ASTN1: variants seen among roughly 807,000 people sequenced by gnomAD.
ASTN1 encodes astrotactin-1.
A neutral mutation model predicts 140.7 loss-of-function variants in ASTN1; 41 were observed. The ratio of observed to expected loss-of-function variants is 0.29; its 90% confidence interval spans 0.23 to 0.38. ASTN1 has a LOEUF of 0.38. Ranked by LOEUF, ASTN1 falls within the 10% of genes least tolerant of loss-of-function variation. The pLI is 1.00. For synonymous variants in ASTN1, 640 were observed against 652.2 expected (o/e 0.98, Z 0.29); for missense variants, 1,479 against 1,678.8 (o/e 0.88, Z 2.08).
At chr1:177,026,850 C>T (rs1676141695) in intron 5 of ASTN1, among the ~76,000 whole-genome samples, 1 of 152,168 alleles carries the variant, frequency 6.6e-6, no homozygotes, top group Non-Finnish European at 1.5e-5. Flanking sequence ...CACCTGTTCC[C>T]CTGCCTCAAG....
At chr1:177,028,116 G>T (rs1676220403) in intron 5 of ASTN1, among the ~76,000 whole-genome samples, 1 of 152,146 alleles carries the variant, frequency 6.6e-6, no homozygotes, top group African/African-American at 2.4e-5. Flanking sequence ...CTGGTTAATA[G>T]CGTAAAAAGT....
At chr1:177,032,326 A>T in intron 3 of ASTN1, 130 bp downstream of exon 3, 1 of 1,265,254 alleles carries the variant, frequency 7.9e-7, no homozygotes, top group South Asian at 1.4e-5. Context: ...ATTCTTGCCT[A>T]TCTAGGGAAG....
chr1:176,951,019 C>A (rs575265965), intron 11 of ASTN1, among the ~76,000 whole-genome samples: 2 of 152,166 alleles, frequency 1.3e-5, no homozygotes, highest in Non-Finnish European at 2.9e-5. Flanking sequence ...AGATCATCAC[C>A]AGGCAGGATA....
At chr1:176,963,487 T>C (rs543244716) in intron 9 of ASTN1, among the ~76,000 whole-genome samples, 7 of 152,308 alleles carry the variant, frequency 4.6e-5, no homozygotes, top group African/African-American at 1.7e-4. Flanking sequence ...CACTTATTGA[T>C]TAACCCACTG....
At chr1:177,113,991 G>A (rs1045216461) in intron 1 of ASTN1, among the ~76,000 whole-genome samples, 1 of 152,168 alleles carries the variant, frequency 6.6e-6, no homozygotes, top group Non-Finnish European at 1.5e-5. Context: ...AGCTTCAAAG[G>A]ATGAAAGAAA....
chr1:176,894,494 T>G (rs1016810885), intron 17 of ASTN1, 68 bp downstream of exon 17: 343 of 1,562,970 alleles, frequency 2.2e-4, no homozygotes, highest in Non-Finnish European at 2.8e-4. Flanking sequence ...TGTCACTTCC[T>G]CACACCATTT....
Position 177,014,786 on chromosome 1 carries a change from C to T in ASTN1, c.1523+5G>A. 1 of 1,612,420 alleles carries T rather than the reference C, an allele frequency of 6.2e-7. No homozygotes were observed. The highest frequency in any genetic ancestry group is 8.5e-7 in the Non-Finnish European group (1 of 1,178,536). On this transcript the variant is annotated splice_donor_5th_base_variant and intron_variant, in intron 8 of 22. Transcript: ENST00000361833. Reference sequence around the variant, plus strand: ...AACCAGCTAAGTCGTCATGCCCTCACTTACCCCTGGTTTGTCCCCCATTCG... The same window carrying T: ...AACCAGCTAAGTCGTCATGCCCTCATTTACCCCTGGTTTGTCCCCCATTCG...
intron 20 of ASTN1, among the ~76,000 whole-genome samples, chr1:176,880,969 A>T (rs917769896): frequency 1.3e-5 from 2 of 152,212 alleles, no homozygotes; most frequent in African/African-American, 4.8e-5. Context: ...ATAGAAAGAA[A>T]ACTTAGTTGG....
intron 1 of ASTN1, among the ~76,000 whole-genome samples, chr1:177,104,094 C>T (rs187597827): frequency 6.6e-6 from 1 of 152,108 alleles, no homozygotes; most frequent in African/African-American, 2.4e-5. Flanking sequence ...AAAACAGTAC[C>T]CTCGCCCTGG....
intron 2 of ASTN1, among the ~76,000 whole-genome samples, chr1:177,040,358 G>A (rs1040184562): frequency 6.6e-6 from 1 of 152,174 alleles, no homozygotes; most frequent in Non-Finnish European, 1.5e-5. Context: ...CCCACTGGCA[G>A]GGCCCAGCCC....
chr1:177,102,010 T>A (rs1345252261), intron 1 of ASTN1, among the ~76,000 whole-genome samples: 2 of 152,346 alleles, frequency 1.3e-5, no homozygotes, highest in South Asian at 2.1e-4. Context: ...ATGAGTGAGT[T>A]CACACCTGTC....
rs551402046 is a variant in ASTN1, at chr1:176,922,172, A to G, written c.2671+11980T>C. On this transcript the variant is annotated intron_variant, in intron 16 of 22. Transcript: ENST00000361833. ...AGGACAATAAACAAGCCTAACAAAAACACAAAACTACTAATGTTATCTCTC... is the reference window on the plus strand; with the variant it reads ...AGGACAATAAACAAGCCTAACAAAAGCACAAAACTACTAATGTTATCTCTC... Among the ~76,000 whole-genome samples the G allele has an allele frequency of 5.9e-5, 9 of 152,264 alleles. No homozygotes were observed. In the East Asian group the frequency reaches 1.7e-3, roughly 29 times the overall value.
intron 8 of ASTN1, among the ~76,000 whole-genome samples, chr1:176,999,569 C>T (rs1674619744): frequency 6.6e-6 from 1 of 152,216 alleles, no homozygotes; most frequent in South Asian, 2.1e-4. Context: ...TCAGGAAGAT[C>T]TCTAAGTGAA....
intron 1 of ASTN1, among the ~76,000 whole-genome samples, chr1:177,086,538 G>A (rs1223551082): frequency 2.0e-5 from 3 of 152,150 alleles, no homozygotes; most frequent in Non-Finnish European, 4.4e-5. Flanking sequence ...GATAAATGAT[G>A]TTATGCACAT....
At chr1:177,003,878 G>A (rs1050133206) in intron 8 of ASTN1, among the ~76,000 whole-genome samples, 3 of 151,590 alleles carry the variant, frequency 2.0e-5, no homozygotes, top group African/African-American at 7.3e-5. Flanking sequence ...TACTGAAAAG[G>A]GAAAAGTTGA....
intron 16 of ASTN1, among the ~76,000 whole-genome samples, chr1:176,911,129 A>C (rs1670219808): frequency 6.6e-6 from 1 of 152,200 alleles, no homozygotes; most frequent in African/African-American, 2.4e-5. Flanking sequence ...TTGTATGTCT[A>C]AACATAGAAA....
intron 2 of ASTN1, among the ~76,000 whole-genome samples, chr1:177,047,229 G>A (rs951883791): frequency 1.3e-5 from 2 of 152,172 alleles, no homozygotes; most frequent in African/African-American, 2.4e-5. Context: ...GGAGTCATGG[G>A]GCAAAACTGA....
chr1:176,862,759 A>G lies in ASTN1; in HGVS notation c.*1525T>C. On this transcript the variant is annotated 3_prime_UTR_variant, in exon 23 of 23. Coordinates refer to ENST00000361833, the MANE Select transcript of ASTN1 (RefSeq NM_004319.3). ...CAGGAGTTGCTGTGAGAATTCAATG[A>G]TACCTAAAGTGCTTACATCAGCGCC... 3.1e-6 allele frequency: 3 copies of G among 955,914 alleles called. No homozygotes were observed. The highest frequency in any genetic ancestry group is 3.7e-6 in the Non-Finnish European group (3 of 803,176). The allele number at this position is 955,914 out of a possible 1,614,324, so 59.2% of individuals were successfully genotyped here.
At chr1:177,011,676 G>A (rs1675299333) in intron 8 of ASTN1, among the ~76,000 whole-genome samples, 1 of 149,360 alleles carries the variant, frequency 6.7e-6, no homozygotes, top group African/African-American at 2.5e-5. Flanking sequence ...ACACACACAT[G>A]CATGCACACA....
Sources: allele counts gnomAD v4.1 joint callset (sites outside exome capture counted in the v4.1 genomes callset), GRCh38; gene constraint gnomAD v4.1.1; transcripts MANE v1.5; gene names NCBI Gene and HGNC (gene_info 2026-07-23, HGNC 2026-07-21).